The following RASAL2 variants were observed in gnomAD, a reference collection of about 807,000 sequenced individuals.
RASAL2 encodes the protein ras GTPase-activating protein nGAP.
RASAL2 carries 58 observed loss-of-function variants against 128.9 expected under a neutral mutation model. The ratio of observed to expected loss-of-function variants is 0.45; its 90% confidence interval spans 0.36 to 0.56. The LOEUF is 0.56. RASAL2 is among the 20% of genes least tolerant of loss of function. The probability of loss-of-function intolerance (pLI) is 0.00; values close to 1 mark genes in which losing one functional copy is unlikely to be tolerated. For synonymous variants in RASAL2, 561 were observed against 580.8 expected, an observed-to-expected ratio of 0.97 and a Z score of 0.49; for missense variants, 1,360 against 1,601.6, an observed-to-expected ratio of 0.85 and a Z score of 2.57.
chr1:178,160,648 A>C lies in RASAL2; in HGVS notation c.202+65954A>C, dbSNP rs56359963. 5.5e-3 allele frequency among the ~76,000 whole-genome samples: 844 copies of C among 152,316 alleles called. 11 individuals carry two copies. Among genetic ancestry groups the C allele is most frequent in the African/African-American group, 0.019 (791 of 41,574 alleles). ...GAAACTCTGTCTCAAAAAAATAATAATAATGAAAACAAAAAAATATATTGA... is the reference window on the plus strand; with the variant it reads ...GAAACTCTGTCTCAAAAAAATAATACTAATGAAAACAAAAAAATATATTGA... On this transcript the variant is annotated intron_variant, in intron 1 of 17. Coordinates refer to ENST00000367649, the MANE Select transcript of RASAL2 (RefSeq NM_170692.4).
chr1:178,418,962 C>G (rs73037512), intron 4 of RASAL2, among the ~76,000 whole-genome samples: 1 of 152,158 alleles, frequency 6.6e-6, no homozygotes, highest in Non-Finnish European at 1.5e-5. Context: ...ATCCCACCCC[C>G]TCAGTTGACC....
chr1:178,305,091 AAAG>A (rs1419357309), intron 3 of RASAL2, among the ~76,000 whole-genome samples: 1 of 152,306 alleles, frequency 6.6e-6, no homozygotes, highest in East Asian at 1.9e-4. Context: ...GGAATTAACC[AAAG>A]AAGTGAGTAT....
intron 3 of RASAL2, among the ~76,000 whole-genome samples, chr1:178,330,154 A>G (rs1408769335): frequency 2.6e-5 from 4 of 152,220 alleles, no homozygotes; most frequent in Non-Finnish European, 5.9e-5. Flanking sequence ...GTGTTACAGC[A>G]GTGTTATCAG....
intron 1 of RASAL2, among the ~76,000 whole-genome samples, chr1:178,180,550 C>A (rs1287977507): frequency 6.7e-6 from 1 of 148,436 alleles, no homozygotes; most frequent in Non-Finnish European, 1.5e-5. Context: ...GCCTATAGTG[C>A]CAGCTTCTCA....
chr1:178,306,497 A>G (rs1004405002), intron 3 of RASAL2, among the ~76,000 whole-genome samples: 11 of 152,168 alleles, frequency 7.2e-5, no homozygotes, highest in Non-Finnish European at 1.5e-4. Flanking sequence ...TGGTTGAACT[A>G]GTTTACAGTC....
chr1:178,298,255 A>G (rs1667605771), intron 2 of RASAL2, among the ~76,000 whole-genome samples: 1 of 152,160 alleles, frequency 6.6e-6, no homozygotes, highest in Non-Finnish European at 1.5e-5. Flanking sequence ...ACTGTTTGTG[A>G]AGTTTTATAT....
intron 1 of RASAL2, among the ~76,000 whole-genome samples, chr1:178,124,900 G>C (rs1225425704): frequency 6.6e-6 from 1 of 152,112 alleles, no homozygotes; most frequent in African/African-American, 2.4e-5. Context: ...CAGTATTTCA[G>C]TGGTAGAATT....
intron 3 of RASAL2, among the ~76,000 whole-genome samples, chr1:178,329,975 C>T (rs1354455105): frequency 6.6e-6 from 1 of 152,088 alleles, no homozygotes; most frequent in African/African-American, 2.4e-5. Flanking sequence ...GGATGGAAGG[C>T]TCTGGTATAT....
At chr1:178,230,217 T>G (rs1051520861) in intron 1 of RASAL2, among the ~76,000 whole-genome samples, 2 of 152,210 alleles carry the variant, frequency 1.3e-5, no homozygotes, top group Non-Finnish European at 2.9e-5. Context: ...GATGTACATT[T>G]GGGTCGTTTT....
intron 1 of RASAL2, among the ~76,000 whole-genome samples, chr1:178,209,111 A>G (rs563965758): frequency 2.6e-5 from 4 of 151,954 alleles, no homozygotes; most frequent in Admixed American, 1.3e-4. Flanking sequence ...CAAGTATGCC[A>G]TGATATCAAG....
At chr1:178,394,544 A>G (rs942736255) in intron 4 of RASAL2, among the ~76,000 whole-genome samples, 1 of 152,216 alleles carries the variant, frequency 6.6e-6, no homozygotes, top group African/African-American at 2.4e-5. Context: ...GATACCATCA[A>G]TTTGGCTTCG....
chr1:178,174,843 T>A (rs1661830234), intron 1 of RASAL2, among the ~76,000 whole-genome samples: 1 of 152,168 alleles, frequency 6.6e-6, no homozygotes, highest in African/African-American at 2.4e-5. Flanking sequence ...GAGCTTGCTT[T>A]AAAAAATAAT....
chr1:178,293,327 A>C (rs1381522702), intron 2 of RASAL2, among the ~76,000 whole-genome samples: 1 of 152,238 alleles, frequency 6.6e-6, no homozygotes, highest in Non-Finnish European at 1.5e-5. Context: ...TGCCACTGGC[A>C]ATGGGGAATT....
intron 2 of RASAL2, among the ~76,000 whole-genome samples, chr1:178,295,257 C>CA (rs1006848274): frequency 1.9e-4 from 26 of 138,538 alleles, no homozygotes; most frequent in Non-Finnish European, 2.5e-4. Flanking sequence ...AAAAAAAAAA[C>CA]AAAAAAAAAC....
chr1:178,138,688 T>G (rs1660420608), intron 1 of RASAL2, among the ~76,000 whole-genome samples: 1 of 152,178 alleles, frequency 6.6e-6, no homozygotes, highest in African/African-American at 2.4e-5. Flanking sequence ...TATTTTACTA[T>G]CAGTCATGTG....
chr1:178,226,329 T>G (rs1663786061), intron 1 of RASAL2, among the ~76,000 whole-genome samples: 1 of 152,136 alleles, frequency 6.6e-6, no homozygotes, highest in Non-Finnish European at 1.5e-5. Context: ...GTCCTTTGCT[T>G]CTTGTTGTTC....
intron 1 of RASAL2, among the ~76,000 whole-genome samples, chr1:178,133,384 A>G (rs758229430): frequency 2.0e-5 from 3 of 152,146 alleles, no homozygotes; most frequent in African/African-American, 4.8e-5. Flanking sequence ...TAGCAACTCT[A>G]TGAATAGCAG....
At position 178,219,647 on chromosome 1, in the gene RASAL2, A is replaced by AG. The variant is rs572769077; in HGVS notation, c.203-63916dup. ...TCTGCCTCAGGAAAAAAAAAAAAAA[A>AG]GAAAGAAAGAAAGAAAGAAAAATAA... is the stretch of plus-strand genomic sequence containing the variant. On this transcript the variant is annotated intron_variant, in intron 1 of 17. Transcript: ENST00000367649. 2.2e-3 allele frequency among the ~76,000 whole-genome samples: 322 copies of AG among 146,104 alleles called. 1 individual carries two copies. The highest frequency in any genetic ancestry group is 3.6e-3 in the Non-Finnish European group (244 of 67,544).
At chr1:178,138,177 A>C (rs1295967997) in intron 1 of RASAL2, among the ~76,000 whole-genome samples, 1 of 152,182 alleles carries the variant, frequency 6.6e-6, no homozygotes, top group Non-Finnish European at 1.5e-5. Context: ...AATGGTGATG[A>C]GATGTCTTTA....
Sources: allele counts gnomAD v4.1 joint callset (sites outside exome capture counted in the v4.1 genomes callset), GRCh38; gene constraint gnomAD v4.1.1; transcripts MANE v1.5; gene names NCBI Gene and HGNC (gene_info 2026-07-23, HGNC 2026-07-21).